Variants in ZFHX3 observed in about 807,000 individuals in gnomAD.
ZFHX3 encodes the protein zinc finger homeobox protein 3.
In ZFHX3, 42 loss-of-function variants were observed where a neutral mutation model predicts 279.1. The ratio of observed to expected loss-of-function variants is 0.15; its 90% confidence interval spans 0.12 to 0.19. The LOEUF is 0.19. ZFHX3 is among the 10% of genes least tolerant of loss of function. The probability of loss-of-function intolerance (pLI) is 1.00; values close to 1 mark genes in which losing one functional copy is unlikely to be tolerated. For missense variants in ZFHX3, 4,981 were observed against 4,754.0 expected (o/e 1.05, Z -1.40); for synonymous variants, 2,293 against 1,957.8 (o/e 1.17, Z -4.52).
At chr16:73,146,011 C>T (rs1966861252) in intron 5 of ZFHX3, among the ~76,000 whole-genome samples, 3 of 152,018 alleles carry the variant, frequency 2.0e-5, no homozygotes, top group Admixed American at 2.0e-4. Context: ...TATAACCAGG[C>T]TAGTAGTGCC....
chr16:73,688,746 C>T (rs966569994), intron 1 of ZFHX3, among the ~76,000 whole-genome samples: 2 of 152,176 alleles, frequency 1.3e-5, no homozygotes, highest in African/African-American at 4.8e-5. Flanking sequence ...CCCCATAATT[C>T]CCACATGTTG....
intron 5 of ZFHX3, among the ~76,000 whole-genome samples, chr16:73,253,662 A>G (rs553986393): frequency 6.6e-6 from 1 of 151,830 alleles, no homozygotes; most frequent in Admixed American, 6.6e-5. Context: ...TCACCGGGTT[A>G]ACTAGGATGG....
intron 2 of ZFHX3, among the ~76,000 whole-genome samples, chr16:73,534,442 T>A (rs1359444315): frequency 6.6e-6 from 1 of 152,210 alleles, no homozygotes; most frequent in Admixed American, 6.5e-5. Context: ...CTTTATTCCA[T>A]CTCATGCATC....
chr16:73,046,174 C>T (rs879545855), intron 1 of ZFHX3, among the ~76,000 whole-genome samples: 4 of 152,168 alleles, frequency 2.6e-5, no homozygotes, highest in Admixed American at 6.5e-5. Flanking sequence ...CAAATACAGG[C>T]GTGCAAACAT....
At chr16:72,928,202 G>T (rs865799347) in intron 3 of ZFHX3, among the ~76,000 whole-genome samples, 1 of 116,362 alleles carries the variant, frequency 8.6e-6, no homozygotes, top group East Asian at 3.0e-4. Context: ...GGAGGGGAGC[G>T]AGGGGGAGCG....
chr16:73,079,105 C>T (rs945113382), intron 8 of ZFHX3, among the ~76,000 whole-genome samples: 11 of 152,106 alleles, frequency 7.2e-5, no homozygotes, highest in African/African-American at 2.2e-4. Context: ...GCAAATCTTC[C>T]CTGATCTCTG....
At chr16:73,296,021 G>A (rs1415204702) in intron 4 of ZFHX3, among the ~76,000 whole-genome samples, 1 of 152,044 alleles carries the variant, frequency 6.6e-6, no homozygotes, top group African/African-American at 2.4e-5. Flanking sequence ...CACAGTCCAT[G>A]CATCATCCCC....
chr16:73,454,986 C>T (rs915386470), intron 3 of ZFHX3, among the ~76,000 whole-genome samples: 2 of 151,878 alleles, frequency 1.3e-5, no homozygotes, highest in African/African-American at 4.8e-5. Flanking sequence ...AGAATGAAGA[C>T]CTTTTATGCC....
chr16:73,272,665 G>A (rs1038522685), intron 4 of ZFHX3, among the ~76,000 whole-genome samples: 3 of 152,156 alleles, frequency 2.0e-5, no homozygotes, highest in Non-Finnish European at 2.9e-5. Context: ...ATTGCTGCTA[G>A]AATAACCAAT....
chr16:72,957,404 G>A (rs764206653), intron 2 of ZFHX3, 23 bp downstream of exon 2: 1 of 1,575,464 alleles, frequency 6.3e-7, no homozygotes, highest in African/African-American at 1.4e-5. Context: ...CATGAAAACA[G>A]ACAAACACGT....
intron 2 of ZFHX3, among the ~76,000 whole-genome samples, chr16:73,541,311 C>T (rs2020006951): frequency 6.6e-6 from 1 of 151,964 alleles, no homozygotes; most frequent in African/African-American, 2.4e-5. Context: ...ATAGCGAGAC[C>T]TCATCTCTAC....
At chr16:73,219,343 T>C (rs2012328672) in intron 5 of ZFHX3, among the ~76,000 whole-genome samples, 1 of 152,242 alleles carries the variant, frequency 6.6e-6, no homozygotes, top group African/African-American at 2.4e-5. Context: ...CATCAATAAG[T>C]ACTAGCATGA....
chr16:73,270,995 G>C (rs1023819423), intron 4 of ZFHX3, among the ~76,000 whole-genome samples: 2 of 152,204 alleles, frequency 1.3e-5, no homozygotes, highest in African/African-American at 4.8e-5. Flanking sequence ...TTAAATTGGT[G>C]ATTTCGTTTT....
chr16:73,070,922 GCGCGCGCGCGCGCGCGCACACACACA>G (rs1421791190), intron 8 of ZFHX3, among the ~76,000 whole-genome samples: 7 of 29,352 alleles, frequency 2.4e-4, no homozygotes, highest in East Asian at 1.8e-3. Flanking sequence ...TCTTGCGCGC[GCGCGCGCGCGCGCGCGCACACACACA>G]CACACACACA....
At chr16:72,812,068 G>A (rs2036470776) in intron 5 of ZFHX3, 30 bp from the exon 6 acceptor site, 2 of 1,611,268 alleles carry the variant, frequency 1.2e-6, no homozygotes, top group Non-Finnish European at 1.7e-6. Flanking sequence ...ATGCAATACA[G>A]CAGCCAGACC....
At chr16:73,381,697 T>C (rs367864013) in intron 3 of ZFHX3, among the ~76,000 whole-genome samples, 55 of 152,318 alleles carry the variant, frequency 3.6e-4, no homozygotes, top group African/African-American at 1.3e-3. Flanking sequence ...CTGGGCCACA[T>C]TGCAAGAAGA....
At chr16:72,909,630 A>C (rs1214225823) in intron 3 of ZFHX3, among the ~76,000 whole-genome samples, 1 of 152,150 alleles carries the variant, frequency 6.6e-6, no homozygotes, top group Non-Finnish European at 1.5e-5. Flanking sequence ...TAATCCCAGC[A>C]CTTTGGGAGG....
At chr16:73,763,885 CA>C (rs572094699) in intron 1 of ZFHX3, among the ~76,000 whole-genome samples, 48 of 145,462 alleles carry the variant, frequency 3.3e-4, no homozygotes, top group Non-Finnish European at 6.7e-4. Flanking sequence ...ATTCTGCGAC[CA>C]AAAGGAAATG....
At chr16:73,718,692 T>G (rs1209691375) in intron 1 of ZFHX3, among the ~76,000 whole-genome samples, 7 of 151,708 alleles carry the variant, frequency 4.6e-5, no homozygotes, top group African/African-American at 1.5e-4. Context: ...CTCGGCTCAC[T>G]GCAACCTCCA....
Sources: gnomAD v4.1 joint callset for allele counts (sites outside exome capture counted in the v4.1 genomes callset) on GRCh38, gnomAD v4.1.1 for gene constraint, MANE v1.5 for transcripts, NCBI Gene and HGNC (gene_info 2026-07-23, HGNC 2026-07-21) for gene names.